Variants in TECTA observed in about 807,000 individuals in gnomAD.
TECTA encodes the protein alpha-tectorin.
In TECTA, 128 loss-of-function variants were observed where a neutral mutation model predicts 216.8. The ratio of observed to expected loss-of-function variants is 0.59; its 90% confidence interval spans 0.51 to 0.68. The LOEUF (loss-of-function observed/expected upper bound fraction) is 0.68, where lower values mean the gene tolerates loss of function less well. Among genes scored for constraint, TECTA ranks in the 30% least tolerant of loss-of-function variants. TECTA has a pLI of 0.00. For synonymous variants in TECTA, 1,089 were observed against 1,117.1 expected (o/e 0.97, Z 0.50); for missense variants, 2,551 against 2,786.2 (o/e 0.92, Z 1.90).
intron 20 of TECTA, among the ~76,000 whole-genome samples, chr11:121,183,619 A>G (rs1947253082): frequency 6.6e-6 from 1 of 151,940 alleles, no homozygotes; most frequent in Non-Finnish European, 1.5e-5. Context: ...TTGATGCTCT[A>G]TTCAACTTGA....
chr11:121,171,147 G>C (rs1947108027), intron 20 of TECTA, among the ~76,000 whole-genome samples: 1 of 152,056 alleles, frequency 6.6e-6, no homozygotes, highest in Admixed American at 6.6e-5. Context: ...TCTGCATATG[G>C]ATATCCAGTT....
chr11:121,180,247 T>G lies in TECTA; in HGVS notation c.6000-7585T>G, dbSNP rs565372197. Among the ~76,000 whole-genome samples the G allele has an allele frequency of 5.9e-5, 9 of 152,312 alleles. 1 individual carries two copies. In the South Asian group the frequency reaches 1.9e-3, roughly 32 times the overall value. ...TTTACACTTTTGTGTGTTTTTATTA[T>G]GTCATATATCAACCCTTCACTTCTA... On this transcript the variant is annotated intron_variant, in intron 20 of 23. Transcript: ENST00000392793.
chr11:121,127,551 T>C lies in TECTA; in HGVS notation c.1775-201T>C, dbSNP rs750648780. Among the ~76,000 whole-genome samples the C allele has an allele frequency of 1.8e-4, 27 of 152,200 alleles. No individual in the cohort carries two copies. The highest frequency in any genetic ancestry group is 2.6e-4 in the Non-Finnish European group (18 of 68,032). On this transcript the variant is annotated intron_variant, in intron 8 of 23. Coordinates refer to ENST00000392793, the MANE Select transcript of TECTA (RefSeq NM_005422.4). The surrounding 1 kb of genome is among the most constrained non-coding windows in gnomAD (Gnocchi z 5.0). The stretch of plus-strand genomic sequence containing the variant: ...ATCAAATTCCAATAGAAGTTCACAG[T>C]CCAATCATGCTGCTCAGTAGTTATT...
chr11:121,188,681 T>C (rs1947312054), intron 21 of TECTA, among the ~76,000 whole-genome samples: 1 of 152,224 alleles, frequency 6.6e-6, no homozygotes, highest in African/African-American at 2.4e-5. Context: ...ATTGCAGCTT[T>C]ATGCTTACAC....
Position 121,150,353 on chromosome 11 carries a change from C to T in TECTA, c.4106-2528C>T, listed in dbSNP as rs560963957. ...TCATTTCTTACTCCGAAATAAAATC[C>T]GGGCAGAACAAAGATTAAACAGAAA... On this transcript the variant is annotated intron_variant, in intron 12 of 23. Coordinates refer to ENST00000392793, the MANE Select transcript of TECTA (RefSeq NM_005422.4). Among the ~76,000 whole-genome samples the T allele has an allele frequency of 7.2e-5, 11 of 152,130 alleles. No homozygotes were observed. The East Asian group carries it at 9.6e-4, about 13-fold the overall frequency.
At chr11:121,110,584 A>G (rs773442541) in intron 4 of TECTA, 6 of 152,226 alleles carry the variant, frequency 3.9e-5, no homozygotes, top group Non-Finnish European at 8.8e-5. Context: ...AATAACCTCT[A>G]AAGAAGCACA....
chr11:121,185,305 T>C (rs5023106), intron 20 of TECTA, among the ~76,000 whole-genome samples: 38 of 147,624 alleles, frequency 2.6e-4, no homozygotes, highest in African/African-American at 7.8e-4. Flanking sequence ...GTAGGGAAAG[T>C]AGATGTTCAA....
At chr11:121,187,675 A>T (rs1224648042) in intron 20 of TECTA, among the ~76,000 whole-genome samples, 157 bp from the exon 21 acceptor site, 1 of 152,232 alleles carries the variant, frequency 6.6e-6, no homozygotes, top group Non-Finnish European at 1.5e-5. Context: ...ATAATAAATG[A>T]CAAGCCCATG....
chr11:121,178,363 A>G (rs1188318968), intron 20 of TECTA, among the ~76,000 whole-genome samples: 1 of 152,202 alleles, frequency 6.6e-6, no homozygotes, highest in Non-Finnish European at 1.5e-5. Flanking sequence ...GATATATGAC[A>G]TTTATTGATT....
intron 15 of TECTA, 117 bp downstream of exon 15, chr11:121,160,538 C>A (rs1281453272): frequency 1.4e-6 from 2 of 1,403,460 alleles, no homozygotes; most frequent in Non-Finnish European, 2.0e-6. Context: ...CCTACAGAGA[C>A]GAGCCAAAGC....
At chr11:121,107,254 T>A (rs1946399121) in intron 3 of TECTA, among the ~76,000 whole-genome samples, 1 of 152,246 alleles carries the variant, frequency 6.6e-6, no homozygotes, top group Non-Finnish European at 1.5e-5. Flanking sequence ...AAGCTAGTTT[T>A]TCTTCTCTAT....
At chr11:121,168,013 C>T (rs199660917) in intron 18 of TECTA, 41 bp from the exon 19 acceptor site, 61 of 1,611,514 alleles carry the variant, frequency 3.8e-5, no homozygotes, top group Non-Finnish European at 5.0e-5. Context: ...TACATACTCA[C>T]TCCCAGATGT....
At position 121,127,859 on chromosome 11, in the gene TECTA, A is replaced by G. The variant is rs770676754; in HGVS notation, c.1882A>G (p.Thr628Ala). The stretch of plus-strand genomic sequence containing the variant: ...CTCGCGGAACTGCGCCACGCCGTGC[A>G]CAGAGGGCTGCGAGTGCAACCAGGG... ...TASRNCATPC[T>A]EGCECNQGFV... Residue 628 changes from threonine (T) to alanine (A), a missense_variant, in exon 9 of 24, where the codon ACA (threonine) becomes GCA (alanine). Physicochemically the swap from Thr to Ala is moderately conservative, Grantham distance 58. Transcript: ENST00000392793. The surrounding 1 kb of genome is among the most constrained non-coding windows in gnomAD (Gnocchi z 5.0). 4 of 1,613,938 alleles carry G rather than the reference A, an allele frequency of 2.5e-6. No individual in the cohort carries two copies. In the African/African-American group the frequency reaches 4.0e-5, roughly 16 times the overall value.
At chr11:121,126,261 T>C (rs1337163099) in intron 8 of TECTA, among the ~76,000 whole-genome samples, 2 of 152,188 alleles carry the variant, frequency 1.3e-5, no homozygotes, top group African/African-American at 2.4e-5. Context: ...GGAAAATAGG[T>C]CACCTTCCAC....
chr11:121,114,318 C>A (rs2135061280), intron 6 of TECTA, among the ~76,000 whole-genome samples: 1 of 152,272 alleles, frequency 6.6e-6, no homozygotes, highest in Non-Finnish European at 1.5e-5. Flanking sequence ...TGTAGTTGAA[C>A]CTGGGTGGAT....
chr11:121,150,638 TTTTAA>T (rs1435902680), intron 12 of TECTA, among the ~76,000 whole-genome samples: 29 of 129,348 alleles, frequency 2.2e-4, no homozygotes, highest in African/African-American at 9.0e-4. Flanking sequence ...CAAAGGCCTA[TTTTAA>T]TTTTTTTTTT....
chr11:121,176,687 C>T (rs912678756), intron 20 of TECTA, among the ~76,000 whole-genome samples: 3 of 149,904 alleles, frequency 2.0e-5, no homozygotes, highest in African/African-American at 5.0e-5. Context: ...ATCTTTGTGG[C>T]GTTCTCTGTA....
intron 1 of TECTA, among the ~76,000 whole-genome samples, chr11:121,102,271 T>C (rs1467329192): frequency 2.6e-5 from 4 of 152,190 alleles, no homozygotes; most frequent in Non-Finnish European, 5.9e-5. Context: ...CTCACTGGGG[T>C]GTGGTTTCTG....
At chr11:121,160,485 G>A in intron 15 of TECTA, 64 bp downstream of exon 15, 2 of 1,588,480 alleles carry the variant, frequency 1.3e-6, no homozygotes, top group Non-Finnish European at 8.5e-7. Context: ...TCCATGGGTG[G>A]TGTGAATGAG....
Sources: gnomAD v4.1 joint callset for allele counts (sites outside exome capture counted in the v4.1 genomes callset) on GRCh38, gnomAD v4.1.1 for gene constraint, Gnocchi (gnomAD v3.1) non-coding constraint, MANE v1.5 for transcripts, NCBI Gene and HGNC (gene_info 2026-07-23, HGNC 2026-07-21) for gene names.